Variants in RAF1 observed in about 807,000 individuals in gnomAD.
RAF1 encodes the protein RAF proto-oncogene serine/threonine-protein kinase.
Under a neutral mutation model 81.1 loss-of-function variants are expected in RAF1, and 27 were observed. The observed-to-expected ratio is 0.33, with a 90% CI of 0.25 to 0.46. The LOEUF is 0.46. Ranked by LOEUF, RAF1 falls within the 20% of genes least tolerant of loss-of-function variation. The pLI, the probability that RAF1 is intolerant of heterozygous loss-of-function variation, is 1.00. For missense variants in RAF1, 598 were observed against 826.0 expected, an observed-to-expected ratio of 0.72 and a Z score of 3.38; for synonymous variants, 298 against 294.0, an observed-to-expected ratio of 1.01 and a Z score of -0.14.
At position 12,604,203 on chromosome 3, in the gene RAF1, C is replaced by G. The variant is rs1273749159; in HGVS notation, c.767G>C (p.Arg256Thr). The G allele has an allele frequency of 6.2e-7, 1 of 1,614,152 alleles. No homozygotes were observed. Among genetic ancestry groups the G allele is most frequent in the East Asian group, 2.2e-5 (1 of 44,878 alleles). ...GTGGACATTAGGTGTGGATGTCGAC[C>G]TCTGCCTCTGGGAGAGGGAACCTTC... Residue 256 changes from arginine (R) to threonine (T), a missense_variant, in exon 7 of 18, where the codon AGG (arginine) becomes ACG (threonine). Arg to Thr is a moderately conservative substitution (Grantham distance 71). Transcript: ENST00000442415.
At chr3:12,654,255 T>C (rs1468076301) in intron 1 of RAF1, among the ~76,000 whole-genome samples, 1 of 152,004 alleles carries the variant, frequency 6.6e-6, no homozygotes, top group Non-Finnish European at 1.5e-5. Context: ...CCCAAAGTGC[T>C]GGGATTATAG....
intron 11 of RAF1, among the ~76,000 whole-genome samples, chr3:12,597,716 A>G (rs1203533642): frequency 1.3e-5 from 2 of 152,008 alleles, no homozygotes; most frequent in East Asian, 3.9e-4. Context: ...TGATTTCGAG[A>G]CCAGTCTAGG....
chr3:12,585,014 G>A (rs1185375336), intron 16 of RAF1, 33 bp from the exon 16 acceptor site: 1 of 1,613,936 alleles, frequency 6.2e-7, no homozygotes, highest in African/African-American at 1.3e-5. Context: ...GCTAATGGGG[G>A]GTGAATGAAC....
At chr3:12,626,547 C>G (rs1014639097) in intron 1 of RAF1, among the ~76,000 whole-genome samples, 5 of 149,674 alleles carry the variant, frequency 3.3e-5, no homozygotes, top group African/African-American at 1.2e-4. Flanking sequence ...GCCACGATCA[C>G]ACAACTGCAC....
intron 2 of RAF1, among the ~76,000 whole-genome samples, chr3:12,612,488 A>T (rs2059244870): frequency 6.6e-6 from 1 of 152,000 alleles, no homozygotes; most frequent in South Asian, 2.1e-4. Flanking sequence ...GTCTCTACTA[A>T]AAATACAAAA....
chr3:12,651,935 G>A (rs977370523), intron 1 of RAF1, among the ~76,000 whole-genome samples: 5 of 151,334 alleles, frequency 3.3e-5, no homozygotes, highest in African/African-American at 1.2e-4. Context: ...CTTGAACCCA[G>A]GAGGTGGAGG....
At chr3:12,603,112 G>C (rs1181539732) in intron 8 of RAF1, among the ~76,000 whole-genome samples, 1 of 152,008 alleles carries the variant, frequency 6.6e-6, no homozygotes, top group Admixed American at 6.6e-5. Context: ...GCCCCAGTTG[G>C]AGTGCAATGG....
intron 1 of RAF1, among the ~76,000 whole-genome samples, chr3:12,660,488 A>AT (rs2060841368): frequency 6.6e-6 from 1 of 151,736 alleles, no homozygotes; most frequent in African/African-American, 2.4e-5. Flanking sequence ...GTGTGTGTGT[A>AT]TTTTTTGTAG....
intron 11 of RAF1, among the ~76,000 whole-genome samples, chr3:12,595,275 T>G (rs2058651452): frequency 6.6e-6 from 1 of 152,158 alleles, no homozygotes; most frequent in Admixed American, 6.5e-5. Flanking sequence ...GGGTCTCATG[T>G]TGCCCAGGCT....
At chr3:12,628,189 G>A (rs73021015) in intron 1 of RAF1, among the ~76,000 whole-genome samples, 5 of 152,314 alleles carry the variant, frequency 3.3e-5, no homozygotes, top group Admixed American at 6.5e-5. Context: ...GGCCAGGTGC[G>A]GTAGTTCATG....
chr3:12,644,828 G>C (rs1231022466), intron 1 of RAF1, among the ~76,000 whole-genome samples: 1 of 152,018 alleles, frequency 6.6e-6, no homozygotes, highest in African/African-American at 2.4e-5. Flanking sequence ...GGCCAGGCGT[G>C]GTGGCTCATG....
rs730881004 is a variant in RAF1, at chr3:12,584,647, G to A, written c.1874C>T (p.Ser625Phe). The stretch of plus-strand genomic sequence containing the variant: ...TAGAGAGTGTTGGAGCAGCTCAATG[G>A]AAGACAGGATCTGAAACAAAGCCCA... Residue 625 changes from serine (S) to phenylalanine (F), a missense_variant, in exon 18 of 18, where the codon TCC (serine) becomes TTC (phenylalanine). Physicochemically the swap from Ser to Phe is radical, Grantham distance 155. This residue lies in a region of RAF1 where 147 missense variants were observed against 196.1 expected (regional missense o/e 0.75). Coordinates refer to ENST00000442415, the MANE Select transcript of RAF1 (RefSeq NM_001354689.3). The A allele has an allele frequency of 7.2e-5, 117 of 1,614,010 alleles. No individual in the cohort carries two copies. The highest frequency in any genetic ancestry group is 9.2e-5 in the Non-Finnish European group (108 of 1,180,020).
chr3:12,596,093 G>C (rs187449419), intron 11 of RAF1, among the ~76,000 whole-genome samples: 148 of 151,706 alleles, frequency 9.8e-4, no homozygotes, highest in African/African-American at 3.4e-3. Flanking sequence ...GGCTGGTCTC[G>C]ATCTCCTGGG....
intron 1 of RAF1, among the ~76,000 whole-genome samples, chr3:12,663,384 G>A (rs1018484285): frequency 6.6e-6 from 1 of 152,138 alleles, no homozygotes; most frequent in Non-Finnish European, 1.5e-5. Flanking sequence ...TCCTCACGTC[G>A]TCTCTAAAAG....
intron 1 of RAF1, among the ~76,000 whole-genome samples, chr3:12,650,407 C>T (rs936844651): frequency 6.6e-6 from 1 of 152,152 alleles, no homozygotes; most frequent in African/African-American, 2.4e-5. Flanking sequence ...TATAATCCAT[C>T]ATCCAGTATA....
intron 11 of RAF1, among the ~76,000 whole-genome samples, chr3:12,592,668 G>T (rs2058553997): frequency 6.7e-6 from 1 of 150,172 alleles, no homozygotes; most frequent in Non-Finnish European, 1.5e-5. Flanking sequence ...CCAGCCTCTT[G>T]ATATAACTTT....
intron 1 of RAF1, among the ~76,000 whole-genome samples, chr3:12,623,579 C>T (rs970607338): frequency 5.3e-5 from 8 of 151,992 alleles, no homozygotes; most frequent in South Asian, 2.1e-4. Flanking sequence ...AGATGGATCA[C>T]GAGGTCAGGA....
chr3:12,592,315 C>T (rs943030799), intron 11 of RAF1, among the ~76,000 whole-genome samples: 2 of 152,192 alleles, frequency 1.3e-5, no homozygotes, highest in Admixed American at 6.5e-5. Flanking sequence ...ACTATTGAGG[C>T]TGAACTCTGA....
chr3:12,590,596 G>T, intron 13 of RAF1: 2 of 618,374 alleles, frequency 3.2e-6, no homozygotes, highest in Non-Finnish European at 5.7e-6. Flanking sequence ...AAAGTGCTGG[G>T]ATTACAGGTG....
Sources: gnomAD v4.1 joint callset for allele counts (sites outside exome capture counted in the v4.1 genomes callset) on GRCh38, gnomAD v4.1.1 for gene constraint, gnomAD v4.1.1 regional missense constraint, MANE v1.5 for transcripts, NCBI Gene and HGNC (gene_info 2026-07-23, HGNC 2026-07-21) for gene names.